PNPLA7: variants seen among roughly 807,000 people sequenced by gnomAD.
PNPLA7 encodes the protein patatin like domain 7, lysophospholipase, also known as patatin-like phospholipase domain-containing protein 7.
In PNPLA7, 153 loss-of-function variants were observed where a neutral mutation model predicts 161.7. The ratio of observed to expected loss-of-function variants is 0.95; its 90% CI spans 0.83 to 1.08. PNPLA7 has a LOEUF of 1.08. Ranked by LOEUF, PNPLA7 falls within the 50% of genes least tolerant of loss-of-function variation. The probability of loss-of-function intolerance (pLI) is 0.00; values close to 1 mark genes in which losing one functional copy is unlikely to be tolerated. For synonymous variants in PNPLA7, 809 were observed against 782.1 expected (o/e 1.03, Z -0.57); for missense variants, 1,739 against 1,856.6 (o/e 0.94, Z 1.16).
At chr9:137,478,405 G>C (rs111929636) in intron 24 of PNPLA7, 3 of 356,116 alleles carry the variant, frequency 8.4e-6, no homozygotes, top group Admixed American at 4.7e-5. Context: ...GGGCCCGGGT[G>C]GGGGGCCAGA....
At position 137,514,867 on chromosome 9, in the gene PNPLA7, G is replaced by C. The variant is rs183096479; in HGVS notation, c.1225+512C>G. ...GGATGTTGAGGTGCCTGGGCCCTGT[G>C]GCTGGGCTGCAGGCGGGTCACTCGG... On this transcript the variant is annotated intron_variant, in intron 12 of 34. Coordinates refer to ENST00000406427, the MANE Select transcript of PNPLA7 (RefSeq NM_001098537.3). Among the ~76,000 whole-genome samples, 17 of 149,392 alleles carry C rather than the reference G, an allele frequency of 1.1e-4. No homozygotes were observed. In the East Asian group the frequency reaches 3.2e-3, roughly 28 times the overall value.
chr9:137,501,641 C>T lies in PNPLA7; in HGVS notation c.1551+9G>A. On this transcript the variant is annotated intron_variant, in intron 15 of 34. Transcript: ENST00000406427. ...TGGTCCCAGTGCCCCCCCCCAGACC[C>T]CCGCTCACCTGGTCTCCCTGCCTTG... 4 of 1,611,504 alleles carry T rather than the reference C, an allele frequency of 2.5e-6. No homozygotes were observed. Among genetic ancestry groups the T allele is most frequent in the Non-Finnish European group, 3.4e-6 (4 of 1,179,444 alleles).
At chr9:137,517,363 C>T (rs1834657571) in intron 11 of PNPLA7, among the ~76,000 whole-genome samples, 2 of 95,638 alleles carry the variant, frequency 2.1e-5, no homozygotes, top group African/African-American at 5.2e-5. Flanking sequence ...TCCACTCTGT[C>T]CACTCCATCT....
intron 19 of PNPLA7, among the ~76,000 whole-genome samples, chr9:137,493,906 G>C (rs1832902267): frequency 6.6e-6 from 1 of 152,240 alleles, no homozygotes; most frequent in Admixed American, 6.5e-5. Context: ...GCAAGCGCCA[G>C]GACCTAGGAT....
At chr9:137,546,457 T>C (rs1341193449) in intron 4 of PNPLA7, among the ~76,000 whole-genome samples, 7 of 152,072 alleles carry the variant, frequency 4.6e-5, no homozygotes, top group Non-Finnish European at 8.8e-5. Context: ...CACTCTCTCG[T>C]CTCCGCACAG....
Position 137,540,431 on chromosome 9 carries a change from T to C in PNPLA7, c.747+211A>G, listed in dbSNP as rs1180319330. 2.0e-5 allele frequency among the ~76,000 whole-genome samples: 3 copies of C among 152,224 alleles called. No individual in the cohort carries two copies. Among genetic ancestry groups the C allele is most frequent in the African/African-American group, 7.2e-5 (3 of 41,456 alleles). Reference sequence around the variant, plus strand: ...TCATTTAAGAGACAACCAAAACCGTTAGCCACATGCCCGGCTATTCTTCAA... The same window carrying C: ...TCATTTAAGAGACAACCAAAACCGTCAGCCACATGCCCGGCTATTCTTCAA... On this transcript the variant is annotated intron_variant, in intron 8 of 34. Coordinates refer to ENST00000406427, the MANE Select transcript of PNPLA7 (RefSeq NM_001098537.3). The surrounding 1 kb of genome is among the most constrained non-coding windows in gnomAD (Gnocchi z 5.1).
Position 137,500,545 on chromosome 9 carries a change from G to A in PNPLA7, c.1757+146C>T, listed in dbSNP as rs1470462595. ...GCTGGAGCAGGGGGCACAGACCTGGGCCCACACAGGTGCCGGGGACAAAGA... is the reference window on the plus strand; with the variant it reads ...GCTGGAGCAGGGGGCACAGACCTGGACCCACACAGGTGCCGGGGACAAAGA... On this transcript the variant is annotated intron_variant, in intron 16 of 34. Coordinates refer to ENST00000406427, the MANE Select transcript of PNPLA7 (RefSeq NM_001098537.3). The surrounding 1 kb of genome is among the most constrained non-coding windows in gnomAD (Gnocchi z 5.5). 6.6e-6 allele frequency: 5 copies of A among 758,072 alleles called. No homozygotes were observed. The highest frequency in any genetic ancestry group is 1.8e-5 in the African/African-American group (1 of 56,876). 47.0% of individuals were successfully genotyped at this position (758,072 alleles called of 1,614,324 possible).
At chr9:137,485,498 G>A (rs560380220) in intron 20 of PNPLA7, among the ~76,000 whole-genome samples, 4 of 152,274 alleles carry the variant, frequency 2.6e-5, no homozygotes, top group Admixed American at 6.5e-5. Context: ...AGGCCTCATC[G>A]GAGTAAACAA....
chr9:137,492,068 G>C (rs1832789818), intron 20 of PNPLA7: 1 of 985,420 alleles, frequency 1.0e-6, no homozygotes, highest in East Asian at 1.1e-4. Context: ...GTCAAATGCT[G>C]TCCAGCAGAG....
Position 137,462,233 on chromosome 9 carries a change from G to T in PNPLA7, c.3591C>A (p.Arg1197=). 6.2e-7 allele frequency: 1 copy of T among 1,607,966 alleles called. No individual in the cohort carries two copies. The highest frequency in any genetic ancestry group is 8.5e-7 in the Non-Finnish European group (1 of 1,176,864). The change falls in exon 31 of 35, where the codon CGC becomes CGA. Residue 1197 remains arginine, a synonymous_variant. Transcript: ENST00000406427. ...VKSSDYCEYL[R]PPIDSYSTLD... ...GGGTGCTGTAGCTGTCGATGGGGGG[G>T]CGCAGGTACTCGCAGTAGTCACTGC...
intron 26 of PNPLA7, among the ~76,000 whole-genome samples, chr9:137,465,401 T>G (rs1026074919): frequency 6.6e-5 from 10 of 152,076 alleles, no homozygotes; most frequent in African/African-American, 2.2e-4. Context: ...GCTCTGGCCA[T>G]TCCCACACCT....
chr9:137,460,742 C>T lies in PNPLA7; in HGVS notation c.3842-5G>A, dbSNP rs781642762. 8 of 1,611,384 alleles carry T rather than the reference C, an allele frequency of 5.0e-6. No individual in the cohort carries two copies. The highest frequency in any genetic ancestry group is 1.1e-5 in the South Asian group (1 of 90,950). ...CCGTCTGGTAGTCAGATTCGTCTGG[C>T]ACCGAGGGTAGGGCTGCGTCAGTCC... On this transcript the variant is annotated splice_region_variant and splice_polypyrimidine_tract_variant and intron_variant, in intron 33 of 34. Coordinates refer to ENST00000406427, the MANE Select transcript of PNPLA7 (RefSeq NM_001098537.3).
chr9:137,501,235 C>T (rs931142916), intron 15 of PNPLA7, among the ~76,000 whole-genome samples: 10 of 152,216 alleles, frequency 6.6e-5, no homozygotes, highest in Admixed American at 1.3e-4. Context: ...GCCGCCTCGC[C>T]TGGGGCCTGG....
intron 29 of PNPLA7, 195 bp downstream of exon 29, chr9:137,463,220 C>G: frequency 1.7e-6 from 1 of 605,534 alleles, no homozygotes; most frequent in Non-Finnish European, 2.9e-6. Flanking sequence ...GCTGCCGGTG[C>G]CTGCGTGTGC....
In PNPLA7 at chr9:137,523,007, T is replaced by A; in HGVS notation, c.748-150A>T. ...TCCCAGGCTGGGCTGTGCAAAGTGC[T>A]GCTTTTGGCACCAGCTGCACACGTT... On this transcript the variant is annotated intron_variant, in intron 8 of 34. Transcript: ENST00000406427. This position sits in a 1 kb window ranked among gnomAD's most constrained non-coding sequence, Gnocchi z 4.4. 1 of 1,098,460 alleles carries A rather than the reference T, an allele frequency of 9.1e-7. No homozygotes were observed. The allele number at this position is 1,098,460 out of a possible 1,614,324, so 68.0% of individuals were successfully genotyped here. A position where few individuals can be genotyped will look rare whatever the true frequency, so the allele number is the denominator to read the frequency against.
intron 25 of PNPLA7, among the ~76,000 whole-genome samples, chr9:137,477,071 G>A (rs1433191870): frequency 6.6e-6 from 1 of 152,218 alleles, no homozygotes; most frequent in Non-Finnish European, 1.5e-5. Context: ...CCCCACCCCA[G>A]AAGGCAGCCC....
chr9:137,469,278 C>A (rs2132090457), intron 25 of PNPLA7, among the ~76,000 whole-genome samples: 1 of 152,220 alleles, frequency 6.6e-6, no homozygotes, highest in South Asian at 2.1e-4. Context: ...GAATATGTAA[C>A]AATATTGTTT....
intron 8 of PNPLA7, among the ~76,000 whole-genome samples, chr9:137,527,345 AG>A (rs144156941): frequency 0.012 from 1,767 of 152,056 alleles, 32 homozygotes; most frequent in African/African-American, 0.039. Context: ...GCAATCTTCA[AG>A]GGAAAATATT....
rs74830277 is a variant in PNPLA7, at chr9:137,501,897, C to G, written c.1474-170G>C. 1.3e-4 allele frequency among the ~76,000 whole-genome samples: 20 copies of G among 152,378 alleles called. 1 individual carries two copies. The East Asian group carries it at 3.3e-3, about 25-fold the overall frequency. Reference sequence around the variant, plus strand: ...AAGGGCCTGATGGACACTGGGCACCCTGCAGAGCCACCGATGCCAAACCAG... The same window carrying G: ...AAGGGCCTGATGGACACTGGGCACCGTGCAGAGCCACCGATGCCAAACCAG... On this transcript the variant is annotated intron_variant, in intron 14 of 34. Transcript: ENST00000406427.
Sources: allele counts gnomAD v4.1 joint callset (sites outside exome capture counted in the v4.1 genomes callset), GRCh38; gene constraint gnomAD v4.1.1; non-coding constraint Gnocchi (gnomAD v3.1); transcripts MANE v1.5; gene names NCBI Gene and HGNC (gene_info 2026-07-23, HGNC 2026-07-21).